Variants in CATSPERE observed in about 807,000 individuals in gnomAD.
CATSPERE encodes the protein cation channel sperm-associated auxiliary subunit epsilon.
CATSPERE carries 93 observed loss-of-function variants against 114.1 expected under a neutral mutation model. That is an observed-to-expected ratio of 0.81 (90% CI 0.69 to 0.97). CATSPERE has a LOEUF of 0.97. CATSPERE is among the 50% of genes least tolerant of loss of function. The pLI is 0.00. For synonymous variants in CATSPERE, 341 were observed against 384.1 expected, an observed-to-expected ratio of 0.89 and a Z score of 1.31; for missense variants, 1,058 against 1,131.6, an observed-to-expected ratio of 0.93 and a Z score of 0.93.
At chr1:244,523,272 G>A (rs1187699128) in intron 8 of CATSPERE, among the ~76,000 whole-genome samples, 1 of 148,172 alleles carries the variant, frequency 6.7e-6, no homozygotes, top group African/African-American at 2.6e-5. Context: ...AAAGGCCTTT[G>A]ACAAAATTCA....
intron 17 of CATSPERE, among the ~76,000 whole-genome samples, chr1:244,601,908 C>T (rs1558573459): frequency 1.3e-5 from 2 of 151,774 alleles, no homozygotes; most frequent in South Asian, 2.1e-4. Flanking sequence ...GTGCCAAGAT[C>T]GCACCACTGC....
intron 4 of CATSPERE, 128 bp from the exon 5 acceptor site, chr1:244,479,589 T>C (rs1197849234): frequency 1.4e-5 from 6 of 424,646 alleles, no homozygotes; most frequent in Non-Finnish European, 8.5e-6. Flanking sequence ...AATTCTATTC[T>C]GAACTTTATT....
chr1:244,468,687 G>A (rs1667996254), intron 2 of CATSPERE, among the ~76,000 whole-genome samples: 1 of 152,192 alleles, frequency 6.6e-6, no homozygotes, highest in South Asian at 2.1e-4. Flanking sequence ...GGGAGGCCAA[G>A]GCAGGTGGAT....
At chr1:244,520,956 T>C (rs2148371123) in intron 8 of CATSPERE, among the ~76,000 whole-genome samples, 1 of 152,356 alleles carries the variant, frequency 6.6e-6, no homozygotes, top group African/African-American at 2.4e-5. Flanking sequence ...ATGAAGTTAT[T>C]AGCATACTGA....
intron 5 of CATSPERE, among the ~76,000 whole-genome samples, chr1:244,481,664 T>G (rs1355841750): frequency 6.6e-6 from 1 of 152,052 alleles, no homozygotes; most frequent in Non-Finnish European, 1.5e-5. Flanking sequence ...TAATCCCCGA[T>G]GTGATGGTAT....
upstream of CATSPERE, chr1:244,451,842 C>G: frequency 1.3e-6 from 2 of 1,546,752 alleles, no homozygotes; most frequent in Non-Finnish European, 1.7e-6. The surrounding 1 kb of genome is among the most constrained non-coding windows in gnomAD (Gnocchi z 6.6). Flanking sequence ...GAGGAGAGCC[C>G]GAAGGAGAGG....
intron 2 of CATSPERE, among the ~76,000 whole-genome samples, chr1:244,466,736 A>T (rs1006521275): frequency 6.6e-6 from 1 of 152,154 alleles, no homozygotes; most frequent in African/African-American, 2.4e-5. Context: ...TAGGTTTATC[A>T]ATAGTCAAAA....
chr1:244,554,947 A>C (rs1661347460), intron 9 of CATSPERE, among the ~76,000 whole-genome samples: 1 of 152,240 alleles, frequency 6.6e-6, no homozygotes, highest in South Asian at 2.1e-4. Context: ...CATGGGATTT[A>C]TACCAGCAAT....
At chr1:244,550,890 T>C (rs1283060448) in intron 8 of CATSPERE, among the ~76,000 whole-genome samples, 2 of 152,230 alleles carry the variant, frequency 1.3e-5, no homozygotes, top group Non-Finnish European at 2.9e-5. Flanking sequence ...TGAGAAACTC[T>C]GCTCAGAAAT....
chr1:244,514,394 T>A (rs1187320391), intron 7 of CATSPERE, among the ~76,000 whole-genome samples: 2 of 152,184 alleles, frequency 1.3e-5, no homozygotes, highest in African/African-American at 2.4e-5. Context: ...TTAGGATATG[T>A]GGGCAGCTGT....
At position 244,621,319 on chromosome 1, in the gene CATSPERE, T is replaced by TATAAA. The variant is rs1558611542; in HGVS notation, c.2648+3636_2648+3637insAAATA. ...TATAAATATATAAATATATAAAATA[T>TATAAA]ATATATATATATATATATATATATA... On this transcript the variant is annotated intron_variant, in intron 20 of 21. Transcript: ENST00000366534. Among the ~76,000 whole-genome samples, 6 of 4,632 alleles carry TATAAA rather than the reference T, an allele frequency of 1.3e-3. 2 individuals are homozygous for TATAAA. The highest frequency in any genetic ancestry group is 4.9e-3 in the African/African-American group (6 of 1,234). 3.0% of individuals were successfully genotyped at this position (4,632 alleles called of 152,430 possible). A position where few individuals can be genotyped will look rare whatever the true frequency, so the allele number is the denominator to read the frequency against.
intron 2 of CATSPERE, among the ~76,000 whole-genome samples, chr1:244,465,076 C>T (rs1667408961): frequency 6.6e-6 from 1 of 151,000 alleles, no homozygotes; most frequent in Middle Eastern, 3.4e-3. Context: ...CACTCTGTCA[C>T]CCAGGCTGGA....
At chr1:244,514,257 A>G (rs1305551140) in intron 7 of CATSPERE, among the ~76,000 whole-genome samples, 1 of 152,206 alleles carries the variant, frequency 6.6e-6, no homozygotes, top group Non-Finnish European at 1.5e-5. Context: ...ATAATGCCCA[A>G]CAACTTGGAT....
chr1:244,508,291 G>GT (rs1200179920), intron 7 of CATSPERE, among the ~76,000 whole-genome samples: 1 of 147,974 alleles, frequency 6.8e-6, no homozygotes, highest in East Asian at 2.0e-4. Flanking sequence ...AAACACTACT[G>GT]TTTTTTCTTT....
intron 8 of CATSPERE, among the ~76,000 whole-genome samples, chr1:244,522,765 C>T (rs1677809761): frequency 6.6e-6 from 1 of 152,146 alleles, no homozygotes; most frequent in Admixed American, 6.6e-5. Context: ...GACACATACA[C>T]TCTCCCAAGA....
At chr1:244,523,782 G>T (rs202025662) in intron 8 of CATSPERE, among the ~76,000 whole-genome samples, 1,613 of 142,996 alleles carry the variant, frequency 0.011, 20 homozygotes, top group East Asian at 0.042. Flanking sequence ...ACTTACAAGG[G>T]ATGTGAAGGA....
intron 7 of CATSPERE, among the ~76,000 whole-genome samples, chr1:244,507,335 G>A (rs1674982357): frequency 6.6e-6 from 1 of 152,080 alleles, no homozygotes; most frequent in African/African-American, 2.4e-5. Flanking sequence ...TTTCCATACT[G>A]TTTTCCATAG....
rs1558388027 is a variant in CATSPERE, at chr1:244,504,417, T to G, written c.429+5338T>G. On this transcript the variant is annotated intron_variant, in intron 7 of 21. Coordinates refer to ENST00000366534, the MANE Select transcript of CATSPERE (RefSeq NM_001130957.2). The surrounding 1 kb of genome is among the most constrained non-coding windows in gnomAD (Gnocchi z 4.1). Reference sequence around the variant, plus strand: ...TTATTAATATCTTCCTGTTGTATATTTGTCATAATTACTGAACCAATATTG... The same window carrying G: ...TTATTAATATCTTCCTGTTGTATATGTGTCATAATTACTGAACCAATATTG... Among the ~76,000 whole-genome samples, 1 of 152,226 alleles carries G rather than the reference T, an allele frequency of 6.6e-6. No homozygotes were observed. The highest frequency in any genetic ancestry group is 1.5e-5 in the Non-Finnish European group (1 of 68,034).
At chr1:244,467,272 AT>A (rs200966374) in intron 2 of CATSPERE, among the ~76,000 whole-genome samples, 1,657 of 152,288 alleles carry the variant, frequency 0.011, 39 homozygotes, top group African/African-American at 0.038. Flanking sequence ...GAAGCACATC[AT>A]TTCAGTATTG....
Sources: allele counts gnomAD v4.1 joint callset (sites outside exome capture counted in the v4.1 genomes callset), GRCh38; gene constraint gnomAD v4.1.1; non-coding constraint Gnocchi (gnomAD v3.1); transcripts MANE v1.5; gene names NCBI Gene and HGNC (gene_info 2026-07-23, HGNC 2026-07-21).